Variants in TTC28 observed in about 807,000 individuals in gnomAD.
TTC28 encodes the protein tetratricopeptide repeat domain 28.
A neutral mutation model predicts 198.0 loss-of-function variants in TTC28; 61 were observed. The observed-to-expected ratio is 0.31, with a 90% CI of 0.25 to 0.38. The LOEUF is 0.38. Among genes scored for constraint, TTC28 ranks in the 10% least tolerant of loss-of-function variants. The pLI, the probability that TTC28 is intolerant of heterozygous loss-of-function variation, is 1.00. For missense variants in TTC28, 2,678 were observed against 3,164.0 expected (o/e 0.85, Z 3.69); for synonymous variants, 1,171 against 1,297.8 (o/e 0.90, Z 2.10).
At chr22:28,324,439 A>C (rs886914023) in intron 2 of TTC28, among the ~76,000 whole-genome samples, 2 of 152,108 alleles carry the variant, frequency 1.3e-5, no homozygotes, top group Admixed American at 6.5e-5. Flanking sequence ...AAAAAAAAAA[A>C]AGAAAATTTC....
intron 6 of TTC28, among the ~76,000 whole-genome samples, chr22:28,109,474 T>C (rs145488504): frequency 5.3e-5 from 8 of 152,346 alleles, no homozygotes; most frequent in Non-Finnish European, 1.2e-4. Flanking sequence ...ATTTCAGTAA[T>C]TTTTGTTCTA....
At chr22:28,241,666 G>T (rs1003343615) in intron 5 of TTC28, among the ~76,000 whole-genome samples, 3 of 152,024 alleles carry the variant, frequency 2.0e-5, no homozygotes, top group Non-Finnish European at 4.4e-5. Context: ...TATTGAATCT[G>T]GGTAAAGGGT....
chr22:27,988,422 G>A (rs928055955), intron 21 of TTC28, among the ~76,000 whole-genome samples: 5 of 151,754 alleles, frequency 3.3e-5, no homozygotes, highest in African/African-American at 9.7e-5. Context: ...TGAGTAGCTG[G>A]GACTACAGGC....
chr22:28,406,798 G>A (rs1046980936), intron 2 of TTC28, among the ~76,000 whole-genome samples: 1 of 152,126 alleles, frequency 6.6e-6, no homozygotes, highest in African/African-American at 2.4e-5. Flanking sequence ...CAAGAATCAG[G>A]ACTCATATGG....
At chr22:28,041,223 A>C (rs1939625954) in intron 12 of TTC28, among the ~76,000 whole-genome samples, 1 of 152,208 alleles carries the variant, frequency 6.6e-6, no homozygotes, top group South Asian at 2.1e-4. Context: ...ACAGAATTGG[A>C]AAAAACTACT....
chr22:27,990,731 G>GA, intron 20 of TTC28, 58 bp downstream of exon 20: 1 of 1,522,410 alleles, frequency 6.6e-7, no homozygotes, highest in Non-Finnish European at 8.9e-7. Flanking sequence ...GGGGAACTCG[G>GA]GGGTGGGTGG....
intron 2 of TTC28, among the ~76,000 whole-genome samples, chr22:28,540,100 C>T (rs747632853): frequency 1.3e-4 from 19 of 151,954 alleles, no homozygotes; most frequent in Non-Finnish European, 2.4e-4. Context: ...CCCGCCACCA[C>T]GCCCAGCTAA....
Position 28,675,741 on chromosome 22 carries a change from A to G in TTC28, c.102+3881T>C, listed in dbSNP as rs7286816. The stretch of plus-strand genomic sequence containing the variant: ...GCGACAGAGTGAAACCCTGTCACAC[A>G]CACACACACACACACACACACACAC... On this transcript the variant is annotated intron_variant, in intron 1 of 22. Coordinates refer to ENST00000397906, the MANE Select transcript of TTC28 (RefSeq NM_001145418.2). 3.5e-3 allele frequency among the ~76,000 whole-genome samples: 425 copies of G among 120,650 alleles called. 1 individual carries two copies. The highest frequency in any genetic ancestry group is 0.011 in the African/African-American group (311 of 29,604). 79.2% of individuals were successfully genotyped at this position (120,650 alleles called of 152,430 possible).
chr22:28,527,534 G>C (rs2049028806), intron 2 of TTC28, among the ~76,000 whole-genome samples: 1 of 152,032 alleles, frequency 6.6e-6, no homozygotes. Context: ...TCTCCAACAA[G>C]GTTTCAGACA....
chr22:28,450,650 T>C (rs896046032), intron 2 of TTC28, among the ~76,000 whole-genome samples: 1 of 152,150 alleles, frequency 6.6e-6, no homozygotes, highest in Non-Finnish European at 1.5e-5. Context: ...CATAGACTTT[T>C]TACAAATTAT....
intron 13 of TTC28, among the ~76,000 whole-genome samples, chr22:28,019,494 CCT>C (rs1409700675): frequency 2.0e-5 from 3 of 152,166 alleles, no homozygotes; most frequent in South Asian, 2.1e-4. Context: ...TGGTTTTGGG[CCT>C]CTGAGTCACA....
intron 2 of TTC28, among the ~76,000 whole-genome samples, chr22:28,622,362 C>T (rs1262786696): frequency 6.6e-6 from 1 of 151,762 alleles, no homozygotes; most frequent in Non-Finnish European, 1.5e-5. Context: ...AGCAGTTCAA[C>T]AAAACACAAA....
At chr22:28,623,032 A>G (rs946976078) in intron 2 of TTC28, among the ~76,000 whole-genome samples, 2 of 152,162 alleles carry the variant, frequency 1.3e-5, no homozygotes, top group Admixed American at 1.3e-4. Context: ...CATGTTGGCC[A>G]GGCTGGTCTC....
At chr22:28,118,856 TTTTCTA>T (rs1424473844) in intron 6 of TTC28, among the ~76,000 whole-genome samples, 1 of 152,226 alleles carries the variant, frequency 6.6e-6, no homozygotes, top group African/African-American at 2.4e-5. Context: ...TTGATCTTGA[TTTTCTA>T]TTTCTATTAT....
chr22:28,622,268 A>G (rs1399382727), intron 2 of TTC28, among the ~76,000 whole-genome samples: 1 of 152,206 alleles, frequency 6.6e-6, no homozygotes, highest in African/African-American at 2.4e-5. Context: ...CAGAAAGAAA[A>G]GAATCAGAAA....
intron 2 of TTC28, among the ~76,000 whole-genome samples, chr22:28,627,786 A>C (rs2051100675): frequency 6.6e-6 from 1 of 152,194 alleles, no homozygotes; most frequent in South Asian, 2.1e-4. Context: ...TTATGGTTAC[A>C]AAAGTAATCC....
chr22:28,283,286 A>C (rs930109740), intron 5 of TTC28, among the ~76,000 whole-genome samples: 2 of 151,860 alleles, frequency 1.3e-5, no homozygotes, highest in African/African-American at 4.8e-5. Flanking sequence ...CTGTACTATT[A>C]GAAGTAAAAT....
intron 5 of TTC28, among the ~76,000 whole-genome samples, chr22:28,203,913 T>C (rs922987914): frequency 6.6e-6 from 1 of 152,194 alleles, no homozygotes; most frequent in African/African-American, 2.4e-5. Flanking sequence ...GATTATGTTA[T>C]TGTTATGTTA....
chr22:28,542,788 C>A (rs1419532540), intron 2 of TTC28, among the ~76,000 whole-genome samples: 1 of 151,880 alleles, frequency 6.6e-6, no homozygotes, highest in East Asian at 1.9e-4. Context: ...TAAAGCAGTT[C>A]TTGGAGGGAA....
Sources: allele counts gnomAD v4.1 joint callset (sites outside exome capture counted in the v4.1 genomes callset), GRCh38; gene constraint gnomAD v4.1.1; transcripts MANE v1.5; gene names NCBI Gene and HGNC (gene_info 2026-07-23, HGNC 2026-07-21).